The following LUZP2 variants were observed in gnomAD, a reference collection of about 807,000 sequenced individuals.
LUZP2 encodes the protein leucine zipper protein 2.
Under a neutral mutation model 51.6 loss-of-function variants are expected in LUZP2, and 52 were observed. That is an observed-to-expected ratio of 1.01 (90% CI 0.81 to 1.27). The LOEUF (loss-of-function observed/expected upper bound fraction) is 1.27, where lower values mean the gene tolerates loss of function less well. LUZP2 is among the 50% of genes most tolerant of loss of function. The probability of loss-of-function intolerance (pLI) is 0.00; values close to 1 mark genes in which losing one functional copy is unlikely to be tolerated. For missense variants in LUZP2, 436 were observed against 395.4 expected (o/e 1.10, Z -0.87); for synonymous variants, 154 against 137.3 (o/e 1.12, Z -0.85).
chr11:24,761,185 C>T (rs75253782), intron 4 of LUZP2, among the ~76,000 whole-genome samples: 4,108 of 152,158 alleles, frequency 0.027, 92 homozygotes, highest in Non-Finnish European at 0.042. Context: ...ACAGGCTATA[C>T]AGGAAGCATA....
At chr11:25,045,496 T>A (rs1280676987) in intron 9 of LUZP2, among the ~76,000 whole-genome samples, 1 of 152,110 alleles carries the variant, frequency 6.6e-6, no homozygotes, top group African/African-American at 2.4e-5. Context: ...CAAAGTCCCA[T>A]AAGAATAAAT....
chr11:24,992,194 T>C (rs564877118), intron 9 of LUZP2, among the ~76,000 whole-genome samples: 1 of 152,176 alleles, frequency 6.6e-6, no homozygotes, highest in African/African-American at 2.4e-5. Flanking sequence ...CAAGTTTCCA[T>C]TGCATCACCA....
chr11:24,742,303 C>A (rs1364496110), intron 4 of LUZP2, among the ~76,000 whole-genome samples: 2 of 151,618 alleles, frequency 1.3e-5, no homozygotes, highest in African/African-American at 4.8e-5. Context: ...GCTGTACTAG[C>A]TTACATTCCC....
In LUZP2 at chr11:24,537,741, G is replaced by A. The variant is rs537063590; in HGVS notation, c.62+40436G>A. ...TGAAAAGCCTTTTACAATTTTTTAC[G>A]GATACCTTTTGCATATATTATTATA... On this transcript the variant is annotated intron_variant, in intron 1 of 11. Transcript: ENST00000336930. 6.7e-4 allele frequency among the ~76,000 whole-genome samples: 101 copies of A among 151,662 alleles called. 1 individual carries two copies. Among genetic ancestry groups the A allele is most frequent in the African/African-American group, 2.4e-3 (98 of 41,464 alleles).
At chr11:24,724,386 A>G (rs1030832021) in intron 1 of LUZP2, among the ~76,000 whole-genome samples, 1 of 152,116 alleles carries the variant, frequency 6.6e-6, no homozygotes, top group Non-Finnish European at 1.5e-5. Flanking sequence ...CCTGGGTAAC[A>G]TGGCAAAACC....
chr11:24,839,628 C>T (rs996402309), intron 5 of LUZP2, among the ~76,000 whole-genome samples: 5 of 151,542 alleles, frequency 3.3e-5, no homozygotes, highest in African/African-American at 1.2e-4. Flanking sequence ...CTGAAGAAAG[C>T]CTGATGACTT....
intron 9 of LUZP2, among the ~76,000 whole-genome samples, chr11:25,013,456 G>A (rs946376271): frequency 6.6e-6 from 1 of 152,022 alleles, no homozygotes; most frequent in Non-Finnish European, 1.5e-5. Context: ...AGTTTAAAAA[G>A]CAGGCCTACA....
chr11:24,754,540 C>A (rs1859703393), intron 4 of LUZP2, among the ~76,000 whole-genome samples: 1 of 152,152 alleles, frequency 6.6e-6, no homozygotes, highest in Non-Finnish European at 1.5e-5. Context: ...GCTCCCCTAA[C>A]CACAGCACTT....
rs188144953 is a variant in LUZP2 at position 24,582,465 on chromosome 11, C to T, written c.62+85160C>T. 4.1e-3 allele frequency among the ~76,000 whole-genome samples: 619 copies of T among 151,954 alleles called. 6 individuals are homozygous for T. Among genetic ancestry groups the T allele is most frequent in the Middle Eastern group, 0.014 (4 of 294 alleles). ...CGCACATTTTACTATAAAATTTAAA[C>T]GTAAGATTTTCAAAAATGAATTAGA... On this transcript the variant is annotated intron_variant, in intron 1 of 11. Transcript: ENST00000336930.
intron 1 of LUZP2, among the ~76,000 whole-genome samples, chr11:24,635,940 G>A (rs1010182127): frequency 3.3e-5 from 5 of 152,134 alleles, no homozygotes; most frequent in African/African-American, 1.2e-4. Context: ...CTGGGGAAAA[G>A]TACTGCAGAG....
intron 9 of LUZP2, among the ~76,000 whole-genome samples, chr11:25,030,957 A>T (rs1194708626): frequency 2.5e-3 from 5 of 2,034 alleles, no homozygotes; most frequent in African/African-American, 4.8e-3. Context: ...TTATATATAT[A>T]ATACAATATA....
chr11:24,865,611 T>C lies in LUZP2; in HGVS notation c.397-40380T>C, dbSNP rs542126128. 7.2e-4 allele frequency among the ~76,000 whole-genome samples: 109 copies of C among 152,064 alleles called. No homozygotes were observed. In the South Asian group the frequency reaches 0.021, roughly 29 times the overall value. On this transcript the variant is annotated intron_variant, in intron 5 of 11. Transcript: ENST00000336930. ...CTGCTAGTGTCTGTCTCACTCCCTCTCTCATTTATCCCTCAGATGGTTATT... is the reference window on the plus strand; with the variant it reads ...CTGCTAGTGTCTGTCTCACTCCCTCCCTCATTTATCCCTCAGATGGTTATT...
intron 1 of LUZP2, among the ~76,000 whole-genome samples, chr11:24,623,595 C>T (rs951862523): frequency 2.0e-5 from 3 of 152,114 alleles, no homozygotes; most frequent in Non-Finnish European, 2.9e-5. Context: ...TTTGTAATCC[C>T]AGCATTTTGG....
chr11:25,040,667 G>C (rs747131733), intron 9 of LUZP2, among the ~76,000 whole-genome samples: 2 of 152,064 alleles, frequency 1.3e-5, no homozygotes, highest in Non-Finnish European at 2.9e-5. Context: ...TATCCCAAGA[G>C]TTCTGTGATG....
chr11:24,634,511 G>T (rs1855007182), intron 1 of LUZP2, among the ~76,000 whole-genome samples: 1 of 151,684 alleles, frequency 6.6e-6, no homozygotes, highest in African/African-American at 2.4e-5. Flanking sequence ...TTTCTTTCTG[G>T]TTTTTCAAGA....
At position 25,066,498 on chromosome 11, in the gene LUZP2, C is replaced by T. The variant is rs1859000300; in HGVS notation, c.859-10831C>T. Among the ~76,000 whole-genome samples the T allele has an allele frequency of 1.3e-5, 2 of 151,850 alleles. 1 individual carries two copies. Among genetic ancestry groups the T allele is most frequent in the South Asian group, 4.1e-4 (2 of 4,832 alleles). Reference sequence around the variant, plus strand: ...ATCAAGTTTGAAGAATAAGTAAAAACCTGTGGCAATGACATTCGCTAAGGG... The same window carrying T: ...ATCAAGTTTGAAGAATAAGTAAAAATCTGTGGCAATGACATTCGCTAAGGG... On this transcript the variant is annotated intron_variant, in intron 10 of 11. Transcript: ENST00000336930.
intron 1 of LUZP2, among the ~76,000 whole-genome samples, chr11:24,628,634 C>A (rs1269937666): frequency 6.6e-6 from 1 of 152,154 alleles, no homozygotes; most frequent in Non-Finnish European, 1.5e-5. Flanking sequence ...TCTCGGCTCA[C>A]TGCAATCTCC....
intron 1 of LUZP2, among the ~76,000 whole-genome samples, chr11:24,593,593 T>G (rs1411980560): frequency 6.6e-6 from 1 of 152,136 alleles, no homozygotes; most frequent in Non-Finnish European, 1.5e-5. Context: ...AAATCACATG[T>G]CCTGGCAACC....
chr11:24,531,256 A>G (rs1405404197), intron 1 of LUZP2, among the ~76,000 whole-genome samples: 1 of 150,642 alleles, frequency 6.6e-6, no homozygotes, highest in African/African-American at 2.4e-5. Context: ...AGTTGGTCAA[A>G]AGTATGTCAC....
Sources: gnomAD v4.1 joint callset for allele counts (sites outside exome capture counted in the v4.1 genomes callset) on GRCh38, gnomAD v4.1.1 for gene constraint, MANE v1.5 for transcripts, NCBI Gene and HGNC (gene_info 2026-07-23, HGNC 2026-07-21) for gene names.